Variants in FBXO11 observed in about 807,000 individuals in gnomAD.
FBXO11 encodes F-box protein 11, also known as F-box only protein 11.
In FBXO11, 13 loss-of-function variants were observed where a neutral mutation model predicts 117.0. The observed-to-expected ratio is 0.11, with a 90% confidence interval of 0.07 to 0.18. The LOEUF is 0.18. Ranked by LOEUF, FBXO11 falls within the 10% of genes least tolerant of loss-of-function variation. The pLI is 1.00. For missense variants in FBXO11, 767 were observed against 1,164.4 expected (o/e 0.66, Z 4.97); for synonymous variants, 490 against 380.5 (o/e 1.29, Z -3.35).
At chr2:47,834,510 C>A in intron 7 of FBXO11, 69 bp downstream of exon 7, 1 of 1,215,766 alleles carries the variant, frequency 8.2e-7, no homozygotes, top group Non-Finnish European at 1.1e-6. Context: ...AAGTCACTAG[C>A]ATTTTTAAAA....
intron 18 of FBXO11, chr2:47,812,735 C>G (rs1414296755): frequency 1.1e-5 from 2 of 190,452 alleles, no homozygotes; most frequent in Non-Finnish European, 2.2e-5. Flanking sequence ...CTGTAAGGGG[C>G]AGGCACTATG....
intron 1 of FBXO11, among the ~76,000 whole-genome samples, chr2:47,902,313 TA>T (rs1678357118): frequency 6.6e-6 from 1 of 152,242 alleles, no homozygotes; most frequent in South Asian, 2.1e-4. Flanking sequence ...ATTAGGCTAG[TA>T]TTTAGTCTTA....
At chr2:47,874,838 T>G (rs1157351669) in intron 1 of FBXO11, among the ~76,000 whole-genome samples, 17 of 148,786 alleles carry the variant, frequency 1.1e-4, no homozygotes. Flanking sequence ...CCTGGCCACA[T>G]ACAAAATTTA....
chr2:47,890,504 T>A (rs1406237647), intron 1 of FBXO11, among the ~76,000 whole-genome samples: 1 of 151,994 alleles, frequency 6.6e-6, no homozygotes, highest in Admixed American at 6.6e-5. Flanking sequence ...CACGACACAA[T>A]CAGAATTATA....
At chr2:47,888,977 A>G (rs1277715347) in intron 1 of FBXO11, among the ~76,000 whole-genome samples, 1 of 152,228 alleles carries the variant, frequency 6.6e-6, no homozygotes, top group African/African-American at 2.4e-5. Flanking sequence ...ATGCTCAATA[A>G]TGTAAATTAG....
intron 1 of FBXO11, among the ~76,000 whole-genome samples, chr2:47,865,021 T>TA (rs1368373516): frequency 6.6e-5 from 10 of 152,246 alleles, no homozygotes; most frequent in Non-Finnish European, 1.0e-4. Flanking sequence ...AAAATTTTCT[T>TA]AAACTAAAAA....
intron 1 of FBXO11, among the ~76,000 whole-genome samples, chr2:47,857,859 A>G (rs1243528818): frequency 6.6e-6 from 1 of 152,216 alleles, no homozygotes; most frequent in African/African-American, 2.4e-5. Flanking sequence ...CAGCCTTTGC[A>G]GCTGGAAATA....
intron 16 of FBXO11, among the ~76,000 whole-genome samples, chr2:47,816,398 C>A (rs909926014): frequency 1.2e-4 from 18 of 152,068 alleles, no homozygotes; most frequent in African/African-American, 3.9e-4. Context: ...CCAGGCTGAT[C>A]TTGAACTCCT....
intron 12 of FBXO11, among the ~76,000 whole-genome samples, chr2:47,822,570 TAAC>T (rs898519626): frequency 6.6e-6 from 1 of 152,210 alleles, no homozygotes; most frequent in Non-Finnish European, 1.5e-5. Flanking sequence ...TGATGACTAT[TAAC>T]AAGATGGAAA....
chr2:47,837,000 A>T (rs1672631698), intron 4 of FBXO11: 1 of 316,460 alleles, frequency 3.2e-6, no homozygotes, highest in Admixed American at 4.5e-5. Context: ...AGCCTCCCAA[A>T]GTGCTGGGAT....
At chr2:47,845,546 C>G (rs1169432747) in intron 1 of FBXO11, among the ~76,000 whole-genome samples, 1 of 152,164 alleles carries the variant, frequency 6.6e-6, no homozygotes, top group African/African-American at 2.4e-5. Flanking sequence ...AGCAGCAAAA[C>G]AGAAAGCTTA....
At chr2:47,809,320 A>C in intron 20 of FBXO11, 54 bp from the exon 21 acceptor site, 1 of 1,178,156 alleles carries the variant, frequency 8.5e-7, no homozygotes, top group Non-Finnish European at 1.2e-6. Flanking sequence ...ATATTTTAAA[A>C]ACCAAAGATT....
intron 1 of FBXO11, among the ~76,000 whole-genome samples, chr2:47,864,519 A>AG (rs1363828439): frequency 1.3e-5 from 2 of 152,104 alleles, no homozygotes; most frequent in African/African-American, 2.4e-5. Context: ...CCCGGGAGGC[A>AG]GAGGTTGCAG....
At chr2:47,860,117 A>G (rs1674639086) in intron 1 of FBXO11, among the ~76,000 whole-genome samples, 1 of 152,312 alleles carries the variant, frequency 6.6e-6, no homozygotes, top group East Asian at 1.9e-4. Context: ...GGTTTTTTCC[A>G]AGAAAGAACA....
At chr2:47,826,041 A>G (rs962510744) in intron 11 of FBXO11, among the ~76,000 whole-genome samples, 9 of 151,992 alleles carry the variant, frequency 5.9e-5, no homozygotes, top group Non-Finnish European at 1.2e-4. Context: ...GAGTTAAGAG[A>G]CTCAAGTACA....
At chr2:47,898,298 G>C (rs1383950740) in intron 1 of FBXO11, among the ~76,000 whole-genome samples, 1 of 152,112 alleles carries the variant, frequency 6.6e-6, no homozygotes, top group Admixed American at 6.5e-5. Flanking sequence ...ATTTTCTAAG[G>C]ATTAAGTTTA....
intron 1 of FBXO11, among the ~76,000 whole-genome samples, chr2:47,895,329 G>GA (rs1265894134): frequency 6.6e-6 from 1 of 152,108 alleles, no homozygotes; most frequent in Non-Finnish European, 1.5e-5. Flanking sequence ...AATGAACAAT[G>GA]AAAAAACTAA....
intron 1 of FBXO11, among the ~76,000 whole-genome samples, chr2:47,850,611 C>A (rs1673787235): frequency 6.6e-6 from 1 of 152,150 alleles, no homozygotes; most frequent in Non-Finnish European, 1.5e-5. Context: ...AAAATGTCCA[C>A]AGATTCATGA....
chr2:47,878,246 G>C (rs1403122803), intron 1 of FBXO11, among the ~76,000 whole-genome samples: 1 of 152,180 alleles, frequency 6.6e-6, no homozygotes, highest in Non-Finnish European at 1.5e-5. Flanking sequence ...ATATACAGTA[G>C]AGTTTTGGTC....
Sources: allele counts gnomAD v4.1 joint callset (sites outside exome capture counted in the v4.1 genomes callset), GRCh38; gene constraint gnomAD v4.1.1; transcripts MANE v1.5; gene names NCBI Gene and HGNC (gene_info 2026-07-23, HGNC 2026-07-21).